DNAH3: variants seen among roughly 807,000 people sequenced by gnomAD.
The protein encoded by DNAH3 is axonemal beta dynein heavy chain 3.
Under a neutral mutation model 432.5 loss-of-function variants are expected in DNAH3, and 332 were observed. That is an observed-to-expected ratio of 0.77 (90% CI 0.70 to 0.84). The LOEUF (loss-of-function observed/expected upper bound fraction) is 0.84, where lower values mean the gene tolerates loss of function less well. Ranked by LOEUF, DNAH3 falls within the 40% of genes least tolerant of loss-of-function variation. The pLI, the probability that DNAH3 is intolerant of heterozygous loss-of-function variation, is 0.00. For synonymous variants in DNAH3, 1,956 were observed against 1,900.2 expected (o/e 1.03, Z -0.76); for missense variants, 4,861 against 5,114.0 (o/e 0.95, Z 1.51).
chr16:21,081,691 C>T lies in DNAH3; in HGVS notation c.2914G>A (p.Glu972Lys), dbSNP rs146523799. 3,405 of 1,613,878 alleles carry T rather than the reference C, an allele frequency of 2.1e-3. 9 individuals are homozygous for T. The highest frequency in any genetic ancestry group is 2.7e-3 in the Non-Finnish European group (3,228 of 1,179,872). Reference sequence around the variant, plus strand: ...AGCATATTTGAGAGGCAGGTCGTTTCGGTGGGCTTTATCTCATAGCCAACA... The same window carrying T: ...AGCATATTTGAGAGGCAGGTCGTTTTGGTGGGCTTTATCTCATAGCCAACA... The change falls in exon 20 of 62, where the codon GAA becomes AAA. Residue 972 changes from glutamate (E) to lysine (K), a missense_variant. Physicochemically the swap from Glu to Lys is moderately conservative, Grantham distance 56 (BLOSUM62 1). Coordinates refer to ENST00000261383, the Ensembl canonical transcript of DNAH3.
chr16:20,962,205 T>C (rs911198757), intron 53 of DNAH3, among the ~76,000 whole-genome samples: 1 of 151,918 alleles, frequency 6.6e-6, no homozygotes, highest in Non-Finnish European at 1.5e-5. Flanking sequence ...AAAATAATCA[T>C]TGTGCACCTG....
At chr16:21,107,239 C>CTTTTT (rs5816146) in intron 14 of DNAH3, among the ~76,000 whole-genome samples, 26 of 91,300 alleles carry the variant, frequency 2.8e-4, no homozygotes, top group African/African-American at 6.8e-4. Flanking sequence ...AATTTTTAAT[C>CTTTTT]TTTTTTTTTT....
intron 22 of DNAH3, 35 bp from the exon 23 acceptor site, chr16:21,069,629 C>A: frequency 6.3e-7 from 1 of 1,574,824 alleles, no homozygotes; most frequent in Non-Finnish European, 8.7e-7. Context: ...GGATCATTAA[C>A]CTGCCACTCT....
At chr16:21,086,973 G>A (rs1290137282) in exon 19 of DNAH3, 1 of 1,614,174 alleles carries the variant, frequency 6.2e-7, no homozygotes. Flanking sequence ...AGGCACATCA[G>A]ACAAGGTCTT....
intron 22 of DNAH3, among the ~76,000 whole-genome samples, chr16:21,070,166 T>G (rs2090728798): frequency 6.6e-6 from 1 of 152,222 alleles, no homozygotes; most frequent in African/African-American, 2.4e-5. Flanking sequence ...CAAATGCATG[T>G]GTATTTGGTG....
chr16:21,053,208 T>C (rs1201131626), intron 28 of DNAH3, among the ~76,000 whole-genome samples: 12 of 152,156 alleles, frequency 7.9e-5, no homozygotes, highest in Middle Eastern at 3.4e-3. Flanking sequence ...TACAGTAAAA[T>C]AAAAAACCCT....
chr16:20,935,309 G>T, intron 61 of DNAH3, 39 bp downstream of exon 61: 2 of 1,609,490 alleles, frequency 1.2e-6, no homozygotes, highest in Non-Finnish European at 1.7e-6. Flanking sequence ...GCTTTCTCTG[G>T]TCAGCCCCTT....
At chr16:21,150,155 G>A in intron 1 of DNAH3, 135 bp downstream of exon 2, 1 of 365,640 alleles carries the variant, frequency 2.7e-6, no homozygotes. Flanking sequence ...AACCCAGGAG[G>A]CGGAGGTTGC....
At chr16:21,138,338 C>G (rs1022063854) in intron 5 of DNAH3, among the ~76,000 whole-genome samples, 1 of 152,040 alleles carries the variant, frequency 6.6e-6, no homozygotes, top group Admixed American at 6.6e-5. Context: ...CAGCTGCTAA[C>G]AGGGGAGTAT....
chr16:21,140,520 G>A lies in DNAH3; in HGVS notation c.696+16C>T, dbSNP rs1396504953. On this transcript the variant is annotated intron_variant, in intron 5 of 61. Transcript: ENST00000261383. ...ACCCTCAGCAAACCGAGGGAAAGGG[G>A]GCAACAGGAACGTACCTCCAGGTCC... 1.9e-6 allele frequency: 3 copies of A among 1,609,158 alleles called. No homozygotes were observed. The highest frequency in any genetic ancestry group is 1.7e-4 in the Middle Eastern group (1 of 5,990).
intron 54 of DNAH3, among the ~76,000 whole-genome samples, chr16:20,956,746 C>T (rs2084583191): frequency 6.6e-6 from 1 of 152,050 alleles, no homozygotes; most frequent in Non-Finnish European, 1.5e-5. Context: ...ATGTTTGGGA[C>T]AGAGTCTCAC....
At chr16:21,055,908 GCTAA>G (rs879685878) in intron 27 of DNAH3, among the ~76,000 whole-genome samples, 5 of 151,954 alleles carry the variant, frequency 3.3e-5, no homozygotes, top group South Asian at 4.2e-4. Flanking sequence ...ATCACTCCTG[GCTAA>G]CTATTTGTAG....
chr16:20,963,615 A>G, exon 53 of DNAH3: 1 of 1,614,002 alleles, frequency 6.2e-7, no homozygotes, highest in African/African-American at 1.3e-5. Context: ...ATGCACGGAC[A>G]ATCTCTGCCC....
In DNAH3 at chr16:20,997,099, A is replaced by C. The variant is rs1244281260; in HGVS notation, c.6601+184T>G. 7.0e-6 allele frequency: 4 copies of C among 573,152 alleles called. No individual in the cohort carries two copies. The East Asian group carries it at 1.2e-4, about 16-fold the overall frequency. The allele number at this position is 573,152 out of a possible 1,614,324, so 35.5% of individuals were successfully genotyped here. On this transcript the variant is annotated intron_variant, in intron 44 of 61. Coordinates refer to ENST00000261383, the Ensembl canonical transcript of DNAH3. ...CAAACACTCCTCACATCTTCTTGCCATCGTCCCCTTCTATTTCACACAATT... is the reference window on the plus strand; with the variant it reads ...CAAACACTCCTCACATCTTCTTGCCCTCGTCCCCTTCTATTTCACACAATT...
intron 51 of DNAH3, among the ~76,000 whole-genome samples, chr16:20,974,985 GTTTTTTT>G (rs35783206): frequency 1.7e-5 from 2 of 120,806 alleles, no homozygotes; most frequent in African/African-American, 3.2e-5. Context: ...CACCTGGCTA[GTTTTTTT>G]TTTTTTTTTT....
intron 37 of DNAH3, among the ~76,000 whole-genome samples, chr16:21,030,171 T>C (rs1219185510): frequency 1.3e-5 from 2 of 152,016 alleles, no homozygotes; most frequent in African/African-American, 4.8e-5. Flanking sequence ...CATCAAGAGG[T>C]GAAGTCTATT....
intron 40 of DNAH3, among the ~76,000 whole-genome samples, chr16:21,020,946 A>G (rs1392703322): frequency 1.3e-5 from 2 of 152,078 alleles, no homozygotes; most frequent in African/African-American, 4.8e-5. Context: ...GTCTTTATAA[A>G]TTTGGCTACT....
intron 51 of DNAH3, among the ~76,000 whole-genome samples, chr16:20,973,532 C>T (rs572356768): frequency 6.6e-5 from 10 of 152,340 alleles, no homozygotes; most frequent in African/African-American, 2.4e-4. Flanking sequence ...GGATTACAGG[C>T]ATGAGCCACC....
Position 20,940,226 on chromosome 16 carries a change from GTTTTT to G in DNAH3, c.11654+1170_11654+1174del, listed in dbSNP as rs201884809. On this transcript the variant is annotated intron_variant, in intron 59 of 61. Transcript: ENST00000261383. Reference sequence around the variant, plus strand: ...AGTCTTAACCCTTCTGAATCTCAGAGTTTTTTTTTATTTTCTTTAAGAGATGGGGT... The same window carrying G: ...AGTCTTAACCCTTCTGAATCTCAGAGTTTTATTTTCTTTAAGAGATGGGGT... 5.2e-3 allele frequency among the ~76,000 whole-genome samples: 786 copies of G among 151,782 alleles called. 5 individuals carry two copies. Among genetic ancestry groups the G allele is most frequent in the African/African-American group, 0.017 (717 of 41,392 alleles).
Sources: allele counts gnomAD v4.1 joint callset (sites outside exome capture counted in the v4.1 genomes callset), GRCh38; gene constraint gnomAD v4.1.1; transcripts MANE v1.5; gene names NCBI Gene and HGNC (gene_info 2026-07-23, HGNC 2026-07-21).